The following EHBP1 variants were observed in gnomAD, a reference collection of about 807,000 sequenced individuals.
The protein encoded by EHBP1 is EH domain-binding protein 1.
In EHBP1, 55 loss-of-function variants were observed where a neutral mutation model predicts 144.0. The observed-to-expected ratio is 0.38, with a 90% CI of 0.31 to 0.48. EHBP1 has a LOEUF of 0.48. Among genes scored for constraint, EHBP1 ranks in the 20% least tolerant of loss-of-function variants. The pLI is 0.98. For missense variants in EHBP1, 1,200 were observed against 1,364.2 expected, an observed-to-expected ratio of 0.88 and a Z score of 1.90; for synonymous variants, 469 against 472.7, an observed-to-expected ratio of 0.99 and a Z score of 0.10.
chr2:62,907,863 T>C (rs934921801), intron 10 of EHBP1, among the ~76,000 whole-genome samples: 1 of 152,230 alleles, frequency 6.6e-6, no homozygotes, highest in African/African-American at 2.4e-5. Context: ...TGCATTATTA[T>C]TGATTTCCTA....
At chr2:63,041,425 T>C (rs565546125) in intron 21 of EHBP1, among the ~76,000 whole-genome samples, 1 of 152,236 alleles carries the variant, frequency 6.6e-6, no homozygotes, top group South Asian at 2.1e-4. Context: ...GTTCATTTTC[T>C]GCACAAGAAA....
At position 62,993,820 on chromosome 2, in the gene EHBP1, A is replaced by G. The variant is rs958798245; in HGVS notation, c.2873-51A>G. 3 of 1,402,964 alleles carry G rather than the reference A, an allele frequency of 2.1e-6. No homozygotes were observed. In the African/African-American group the frequency reaches 4.5e-5, roughly 21 times the overall value. The allele number at this position is 1,402,964 out of a possible 1,614,324, so 86.9% of individuals were successfully genotyped here. A position where few individuals can be genotyped will look rare whatever the true frequency, so the allele number is the denominator to read the frequency against. The stretch of plus-strand genomic sequence containing the variant: ...ATGTAAATTCACATTTCAATACACA[A>G]ATATCAAGCTTTACAATAATTTTAC... On this transcript the variant is annotated intron_variant, in intron 17 of 22. Coordinates refer to ENST00000431489, the MANE Select transcript of EHBP1 (RefSeq NM_001142616.3).
At chr2:62,885,697 A>G (rs982744666) in intron 10 of EHBP1, among the ~76,000 whole-genome samples, 3 of 152,230 alleles carry the variant, frequency 2.0e-5, no homozygotes, top group Non-Finnish European at 2.9e-5. Context: ...TAAACAGCCA[A>G]TTACTGACAA....
intron 19 of EHBP1, among the ~76,000 whole-genome samples, chr2:63,000,948 T>TTCCAAGCTGACACTTCTTATGTAA (rs2059826235): frequency 6.6e-6 from 1 of 152,176 alleles, no homozygotes; most frequent in Non-Finnish European, 1.5e-5. Flanking sequence ...ATATCATGTA[T>TTCCAAGCTGACACTTCTTATGTAA]TCCAAGCTGA....
chr2:62,824,398 A>G (rs2046198547), intron 5 of EHBP1, among the ~76,000 whole-genome samples: 1 of 151,972 alleles, frequency 6.6e-6, no homozygotes, highest in South Asian at 2.1e-4. Context: ...TAAAGGTACA[A>G]TGAGAGATTA....
intron 5 of EHBP1, among the ~76,000 whole-genome samples, chr2:62,785,440 A>G: frequency 6.6e-6 from 1 of 152,184 alleles, no homozygotes; most frequent in East Asian, 1.9e-4. Flanking sequence ...TGTAGAAGGT[A>G]GTGGAATCAC....
chr2:62,981,325 T>C (rs2539980), intron 15 of EHBP1, among the ~76,000 whole-genome samples: 94,660 of 151,954 alleles, frequency 0.62, 29,830 homozygotes, highest in East Asian at 0.73. Flanking sequence ...TGCCTCCTTA[T>C]ATCTTTGAGT....
At chr2:62,819,811 C>T (rs2045762129) in intron 5 of EHBP1, among the ~76,000 whole-genome samples, 1 of 149,686 alleles carries the variant, frequency 6.7e-6, no homozygotes, top group African/African-American at 2.5e-5. Context: ...TGTCCATCAA[C>T]AATAAAATGG....
intron 2 of EHBP1, among the ~76,000 whole-genome samples, chr2:62,725,212 T>G (rs1352919391): frequency 6.6e-6 from 1 of 152,088 alleles, no homozygotes; most frequent in South Asian, 2.1e-4. Context: ...CCAAAGTGTT[T>G]TGTAGTGTGG....
chr2:63,021,167 C>T (rs2060729051), intron 19 of EHBP1, among the ~76,000 whole-genome samples: 1 of 151,724 alleles, frequency 6.6e-6, no homozygotes, highest in South Asian at 2.1e-4. Flanking sequence ...ATATACACAT[C>T]TCGTTCTATC....
At chr2:62,823,743 G>A (rs1287018439) in intron 5 of EHBP1, among the ~76,000 whole-genome samples, 2 of 152,066 alleles carry the variant, frequency 1.3e-5, no homozygotes, top group African/African-American at 4.8e-5. Context: ...AGAGAACAAT[G>A]TCTGAGGTAG....
chr2:62,833,927 T>A (rs576448469), intron 7 of EHBP1, among the ~76,000 whole-genome samples: 3 of 152,270 alleles, frequency 2.0e-5, no homozygotes, highest in Non-Finnish European at 4.4e-5. Flanking sequence ...CAACAGGAGT[T>A]TGGAAGACAG....
At position 62,911,508 on chromosome 2, in the gene EHBP1, C is replaced by A. The variant is rs2054215163; in HGVS notation, c.1186-31210C>A. 2.6e-5 allele frequency among the ~76,000 whole-genome samples: 4 copies of A among 152,154 alleles called. No homozygotes were observed. In the South Asian group the frequency reaches 8.3e-4, roughly 32 times the overall value. On this transcript the variant is annotated intron_variant, in intron 10 of 22. Coordinates refer to ENST00000431489, the MANE Select transcript of EHBP1 (RefSeq NM_001142616.3). ...ATGGAGTCTCACTCTATCGCCCAGG[C>A]TGGAGTGCAGTGGCACAATTTTGGC...
chr2:62,897,976 GT>G (rs1177021103), intron 10 of EHBP1, among the ~76,000 whole-genome samples: 10 of 152,138 alleles, frequency 6.6e-5, no homozygotes, highest in Admixed American at 2.6e-4. Flanking sequence ...ATTTTACAGA[GT>G]GAAAAATAAA....
intron 10 of EHBP1, among the ~76,000 whole-genome samples, chr2:62,938,691 T>A (rs995832325): frequency 1.3e-5 from 2 of 152,154 alleles, no homozygotes; most frequent in Non-Finnish European, 2.9e-5. Context: ...TTAGAGCTTC[T>A]TTTTTCACCC....
intron 1 of EHBP1, among the ~76,000 whole-genome samples, chr2:62,695,548 T>C (rs1329296909): frequency 6.6e-6 from 1 of 152,088 alleles, no homozygotes; most frequent in African/African-American, 2.4e-5. Context: ...CAGTAATTGA[T>C]TTATTTGGGG....
At chr2:63,015,091 G>C (rs909832850) in intron 19 of EHBP1, among the ~76,000 whole-genome samples, 1 of 152,098 alleles carries the variant, frequency 6.6e-6, no homozygotes, top group Admixed American at 6.6e-5. Flanking sequence ...TTTTATATGA[G>C]GAAAAATTTT....
At chr2:62,845,090 C>CT (rs374451812) in intron 7 of EHBP1, among the ~76,000 whole-genome samples, 1,520 of 144,614 alleles carry the variant, frequency 0.011, 21 homozygotes, top group African/African-American at 0.032. Context: ...AGCAGATTAT[C>CT]TTTTTTTTTT....
At chr2:62,914,955 G>T (rs17347994) in intron 10 of EHBP1, among the ~76,000 whole-genome samples, 14,473 of 151,896 alleles carry the variant, frequency 0.095, 876 homozygotes, top group Non-Finnish European at 0.13. Context: ...GGATAAAATG[G>T]CCTAAGTATT....
Sources: allele counts gnomAD v4.1 joint callset (sites outside exome capture counted in the v4.1 genomes callset), GRCh38; gene constraint gnomAD v4.1.1; transcripts MANE v1.5; gene names NCBI Gene and HGNC (gene_info 2026-07-23, HGNC 2026-07-21).